Variants in GMDS observed in about 807,000 individuals in gnomAD.
The protein encoded by GMDS is GDP-mannose 4,6 dehydratase.
Under a neutral mutation model 49.9 loss-of-function variants are expected in GMDS, and 20 were observed. That is an observed-to-expected ratio of 0.40 (90% CI 0.28 to 0.58). GMDS has a LOEUF of 0.58. GMDS is among the 20% of genes least tolerant of loss of function. GMDS has a pLI of 0.42. For missense variants in GMDS, 362 were observed against 481.4 expected (o/e 0.75, Z 2.32); for synonymous variants, 177 against 178.6 (o/e 0.99, Z 0.07).
chr6:2,143,370 A>G (rs1776400026), intron 1 of GMDS, among the ~76,000 whole-genome samples: 1 of 152,016 alleles, frequency 6.6e-6, no homozygotes, highest in Admixed American at 6.6e-5. Context: ...CCCCTACAGA[A>G]CTTCTCAGAC....
chr6:2,146,096 C>G (rs966984831), intron 1 of GMDS, among the ~76,000 whole-genome samples: 2 of 152,204 alleles, frequency 1.3e-5, no homozygotes, highest in Non-Finnish European at 2.9e-5. Flanking sequence ...GTTAAAACCA[C>G]AGCGAAATAA....
intron 4 of GMDS, among the ~76,000 whole-genome samples, chr6:1,979,269 T>A (rs1160729190): frequency 6.6e-6 from 1 of 152,188 alleles, no homozygotes; most frequent in African/African-American, 2.4e-5. Flanking sequence ...AGGGAGCATG[T>A]TGTAACCCAA....
intron 9 of GMDS, among the ~76,000 whole-genome samples, chr6:1,712,805 G>A (rs569577630): frequency 1.3e-5 from 2 of 152,254 alleles, no homozygotes; most frequent in African/African-American, 4.8e-5. Context: ...AGGCAGAAAG[G>A]AAGAGGAGAA....
chr6:1,899,766 C>T (rs540246428), intron 7 of GMDS, among the ~76,000 whole-genome samples: 1 of 152,306 alleles, frequency 6.6e-6, no homozygotes, highest in Non-Finnish European at 1.5e-5. Context: ...GCAAAGAGAA[C>T]ACAGTCGCCA....
intron 7 of GMDS, among the ~76,000 whole-genome samples, chr6:1,883,499 C>T (rs976321363): frequency 6.6e-6 from 1 of 151,932 alleles, no homozygotes; most frequent in African/African-American, 2.4e-5. Flanking sequence ...AAATTAAATA[C>T]CTTAAAGACA....
intron 4 of GMDS, among the ~76,000 whole-genome samples, chr6:2,049,108 G>A (rs960148141): frequency 6.6e-6 from 1 of 152,182 alleles, no homozygotes; most frequent in Non-Finnish European, 1.5e-5. Context: ...TTGATCTTGT[G>A]ACTTCCCGGC....
At chr6:1,835,826 G>A (rs1459620285) in intron 7 of GMDS, among the ~76,000 whole-genome samples, 6 of 151,908 alleles carry the variant, frequency 3.9e-5, no homozygotes, top group Non-Finnish European at 5.9e-5. Flanking sequence ...ATGTTCATGG[G>A]AGTCATTAGA....
At chr6:1,777,868 G>C (rs1768903949) in intron 7 of GMDS, among the ~76,000 whole-genome samples, 1 of 152,128 alleles carries the variant, frequency 6.6e-6, no homozygotes, top group Non-Finnish European at 1.5e-5. Context: ...TGTTAAAGAA[G>C]CAATATTAAG....
intron 6 of GMDS, among the ~76,000 whole-genome samples, chr6:1,956,543 G>C (rs1326479565): frequency 1.8e-4 from 28 of 151,914 alleles, no homozygotes; most frequent in Admixed American, 1.8e-3. Context: ...CATCAACTTG[G>C]GCTCTACAAA....
chr6:2,149,287 T>A (rs1776729687), intron 1 of GMDS, among the ~76,000 whole-genome samples: 1 of 152,210 alleles, frequency 6.6e-6, no homozygotes, highest in Non-Finnish European at 1.5e-5. Flanking sequence ...TTTGTTGATT[T>A]CATTAAAATG....
At chr6:1,811,585 CT>C (rs1306866796) in intron 7 of GMDS, among the ~76,000 whole-genome samples, 4 of 149,188 alleles carry the variant, frequency 2.7e-5, no homozygotes, top group Middle Eastern at 6.4e-3. Flanking sequence ...AACTGAAGCC[CT>C]TCACAATGCT....
intron 4 of GMDS, among the ~76,000 whole-genome samples, chr6:1,999,726 G>A (rs1243228856): frequency 6.7e-6 from 1 of 149,078 alleles, no homozygotes; most frequent in Non-Finnish European, 1.5e-5. Flanking sequence ...ATTAGGACAA[G>A]GGTAATATGC....
intron 7 of GMDS, among the ~76,000 whole-genome samples, chr6:1,909,179 A>G (rs1408537855): frequency 6.6e-6 from 1 of 152,208 alleles, no homozygotes; most frequent in African/African-American, 2.4e-5. Flanking sequence ...CGGTTTTTGG[A>G]ACAAGTAAAG....
At chr6:1,644,343 C>T in intron 9 of GMDS, among the ~76,000 whole-genome samples, 1 of 152,206 alleles carries the variant, frequency 6.6e-6, no homozygotes, top group Middle Eastern at 3.2e-3. Flanking sequence ...GGCATCCAAA[C>T]CTGCCCTCAA....
intron 7 of GMDS, among the ~76,000 whole-genome samples, chr6:1,829,285 G>A (rs1353902346): frequency 6.6e-6 from 1 of 152,200 alleles, no homozygotes; most frequent in Non-Finnish European, 1.5e-5. Context: ...ATGGATATAG[G>A]AAGATACGTG....
intron 7 of GMDS, among the ~76,000 whole-genome samples, chr6:1,882,269 G>A (rs1436912243): frequency 1.7e-4 from 26 of 152,208 alleles, no homozygotes; most frequent in Admixed American, 1.7e-3. Context: ...AATACTCTCA[G>A]TGTACTGCAC....
chr6:1,747,634 T>A (rs1223611296), intron 7 of GMDS, among the ~76,000 whole-genome samples: 2 of 152,204 alleles, frequency 1.3e-5, no homozygotes, highest in South Asian at 2.1e-4. Context: ...CCCATTCACA[T>A]GCGTTTCATC....
chr6:1,986,648 G>A (rs1765565875), intron 4 of GMDS, among the ~76,000 whole-genome samples: 2 of 152,262 alleles, frequency 1.3e-5, no homozygotes, highest in South Asian at 4.1e-4. Context: ...GAGGGCTGTA[G>A]GAGTGATCTC....
At chr6:1,940,950 AC>A (rs1762793699) in intron 6 of GMDS, among the ~76,000 whole-genome samples, 1 of 152,010 alleles carries the variant, frequency 6.6e-6, no homozygotes, top group South Asian at 2.1e-4. Context: ...TGCCAGGAGC[AC>A]CCCCTCAATT....
Sources: gnomAD v4.1 joint callset for allele counts (sites outside exome capture counted in the v4.1 genomes callset) on GRCh38, gnomAD v4.1.1 for gene constraint, MANE v1.5 for transcripts, NCBI Gene and HGNC (gene_info 2026-07-23, HGNC 2026-07-21) for gene names.